Variants in EMCN observed in about 807,000 individuals in gnomAD.
EMCN encodes the protein MUC-14.
EMCN carries 37 observed loss-of-function variants against 38.4 expected under a neutral mutation model. The ratio of observed to expected loss-of-function variants is 0.96; its 90% confidence interval spans 0.74 to 1.27. EMCN has a LOEUF of 1.27. EMCN is among the 50% of genes most tolerant of loss of function. The probability of loss-of-function intolerance (pLI) is 0.00; values close to 1 mark genes in which losing one functional copy is unlikely to be tolerated. For missense variants in EMCN, 318 were observed against 302.8 expected, an observed-to-expected ratio of 1.05 and a Z score of -0.37; for synonymous variants, 95 against 100.8, an observed-to-expected ratio of 0.94 and a Z score of 0.35.
At chr4:100,482,190 A>C (rs556500456) in intron 1 of EMCN, among the ~76,000 whole-genome samples, 12 of 152,252 alleles carry the variant, frequency 7.9e-5, no homozygotes, top group African/African-American at 2.9e-4. Flanking sequence ...AAATCTCTGT[A>C]GTAGATTACA....
At chr4:100,479,466 C>A (rs1728749337) in intron 2 of EMCN, among the ~76,000 whole-genome samples, 2 of 151,926 alleles carry the variant, frequency 1.3e-5, no homozygotes, top group Non-Finnish European at 2.9e-5. Flanking sequence ...CTCAGTCCAG[C>A]AACAATAATG....
At chr4:100,478,675 A>G (rs1215782950) in intron 2 of EMCN, among the ~76,000 whole-genome samples, 1 of 152,196 alleles carries the variant, frequency 6.6e-6, no homozygotes, top group African/African-American at 2.4e-5. Flanking sequence ...CTACTTTCGG[A>G]TATAGCTGTC....
chr4:100,500,882 T>TAA (rs1729332693), intron 1 of EMCN, among the ~76,000 whole-genome samples: 1 of 151,956 alleles, frequency 6.6e-6, no homozygotes, highest in Non-Finnish European at 1.5e-5. Flanking sequence ...GGAAAGTACT[T>TAA]ACTTAAGTCA....
intron 5 of EMCN, among the ~76,000 whole-genome samples, chr4:100,434,232 A>G (rs1727284644): frequency 6.6e-6 from 1 of 152,126 alleles, no homozygotes; most frequent in Non-Finnish European, 1.5e-5. Flanking sequence ...ATCAGAGACT[A>G]CTATAAACAC....
At chr4:100,436,084 AACAG>A (rs1440967912) in intron 5 of EMCN, among the ~76,000 whole-genome samples, 2 of 152,194 alleles carry the variant, frequency 1.3e-5, no homozygotes, top group African/African-American at 4.8e-5. Flanking sequence ...CATCAGAGTG[AACAG>A]ACAAAATACA....
At chr4:100,417,081 T>C (rs1454770181) in intron 9 of EMCN, 36 bp downstream of exon 9, 2 of 1,604,100 alleles carry the variant, frequency 1.2e-6, no homozygotes, top group Admixed American at 3.4e-5. Context: ...ACGTAAATGG[T>C]AGGGTCTAAA....
intron 11 of EMCN, among the ~76,000 whole-genome samples, 165 bp downstream of exon 11, chr4:100,410,117 A>C (rs1256870628): frequency 6.6e-6 from 1 of 152,206 alleles, no homozygotes; most frequent in Non-Finnish European, 1.5e-5. Flanking sequence ...ATTTTTTGGC[A>C]ATTTTTGTTA....
intron 1 of EMCN, among the ~76,000 whole-genome samples, chr4:100,505,497 G>A (rs1047259161): frequency 2.6e-5 from 4 of 152,140 alleles, no homozygotes; most frequent in African/African-American, 9.7e-5. Context: ...GGAACATGAG[G>A]AAGCTCTCGG....
chr4:100,496,887 TA>T, intron 1 of EMCN, among the ~76,000 whole-genome samples: 1 of 152,316 alleles, frequency 6.6e-6, no homozygotes, highest in Non-Finnish European at 1.5e-5. Context: ...TAAAGCTTTT[TA>T]AGGTCTCCAA....
intron 1 of EMCN, among the ~76,000 whole-genome samples, chr4:100,513,438 C>T (rs565582339): frequency 2.0e-4 from 30 of 152,222 alleles, no homozygotes; most frequent in African/African-American, 7.2e-4. Flanking sequence ...ACTTCTATTT[C>T]TGTAAATTTC....
intron 4 of EMCN, among the ~76,000 whole-genome samples, chr4:100,461,323 T>C (rs558457988): frequency 4.2e-4 from 64 of 152,150 alleles, no homozygotes; most frequent in Non-Finnish European, 8.5e-4. Context: ...TGCTTTTTTT[T>C]ACTGTTTTAT....
intron 5 of EMCN, among the ~76,000 whole-genome samples, chr4:100,443,545 C>T (rs1727582553): frequency 6.6e-6 from 1 of 152,202 alleles, no homozygotes; most frequent in Admixed American, 6.5e-5. Context: ...GGAGTCTTAG[C>T]TGAAGAAAAC....
chr4:100,454,188 TA>T (rs1286839184), intron 4 of EMCN, among the ~76,000 whole-genome samples: 2 of 126,180 alleles, frequency 1.6e-5, no homozygotes, highest in Admixed American at 8.2e-5. Context: ...ATAAAAAAAT[TA>T]AAAAAATAAA....
chr4:100,516,666 C>T (rs971799675), intron 1 of EMCN, among the ~76,000 whole-genome samples: 2 of 151,972 alleles, frequency 1.3e-5, no homozygotes, highest in South Asian at 2.1e-4. Flanking sequence ...AGCAAATGTG[C>T]GTGAATTTGA....
Position 100,421,300 on chromosome 4 carries a change from A to C in EMCN, c.646T>G (p.Cys216Gly), listed in dbSNP as rs752395902. 1 of 1,612,834 alleles carries C rather than the reference A, an allele frequency of 6.2e-7. No individual in the cohort carries two copies. The highest frequency in any genetic ancestry group is 2.2e-5 in the East Asian group (1 of 44,838). ...VFVLVGLYRM[C>G]WKADPGTPEN... ...TACCTACCCGGATCTGCCTTCCAGC[A>C]CATTCGGTACAAACCCACCAGAACA... The change falls in exon 8 of 12, where the codon TGC (cysteine) becomes GGC (glycine). Residue 216 changes from cysteine (C) to glycine (G), a missense_variant. By Grantham distance (159) the Cys-to-Gly change is radical (BLOSUM62 -3). Coordinates refer to ENST00000296420, the MANE Select transcript of EMCN (RefSeq NM_016242.4).
chr4:100,491,331 C>T (rs1338265994), intron 1 of EMCN, among the ~76,000 whole-genome samples: 1 of 152,136 alleles, frequency 6.6e-6, no homozygotes, highest in Non-Finnish European at 1.5e-5. Flanking sequence ...ACTAGCTGCA[C>T]CACACTTGGG....
intron 3 of EMCN, among the ~76,000 whole-genome samples, chr4:100,466,052 A>G (rs116473198): frequency 0.01 from 1,538 of 152,078 alleles, 18 homozygotes; most frequent in African/African-American, 0.035. Flanking sequence ...ATAATTGGAC[A>G]TAAATGGAAT....
At chr4:100,418,011 G>A (rs1030427014) in intron 8 of EMCN, among the ~76,000 whole-genome samples, 2 of 152,016 alleles carry the variant, frequency 1.3e-5, no homozygotes, top group African/African-American at 4.8e-5. Flanking sequence ...GACTATCCTT[G>A]TTTTATAAAG....
chr4:100,449,916 C>T (rs1463311283), intron 4 of EMCN, among the ~76,000 whole-genome samples: 1 of 151,598 alleles, frequency 6.6e-6, no homozygotes, highest in Non-Finnish European at 1.5e-5. Context: ...TTCCTTTTTT[C>T]CCTGAAATCA....
Sources: allele counts gnomAD v4.1 joint callset (sites outside exome capture counted in the v4.1 genomes callset), GRCh38; gene constraint gnomAD v4.1.1; transcripts MANE v1.5; gene names NCBI Gene and HGNC (gene_info 2026-07-23, HGNC 2026-07-21).